Variants in UNC5D observed in about 807,000 individuals in gnomAD.
UNC5D encodes the protein unc-5 netrin receptor D.
In UNC5D, 39 loss-of-function variants were observed where a neutral mutation model predicts 105.4. That is an observed-to-expected ratio of 0.37 (90% CI 0.29 to 0.48). The LOEUF (loss-of-function observed/expected upper bound fraction) is 0.48. Ranked by LOEUF, UNC5D falls within the 20% of genes least tolerant of loss-of-function variation. The pLI is 0.98. For missense variants in UNC5D, 991 were observed against 1,202.4 expected, an observed-to-expected ratio of 0.82 and a Z score of 2.60; for synonymous variants, 452 against 450.4, an observed-to-expected ratio of 1.00 and a Z score of -0.04.
intron 1 of UNC5D, among the ~76,000 whole-genome samples, chr8:35,439,704 T>G (rs1807267594): frequency 6.6e-6 from 1 of 152,138 alleles, no homozygotes; most frequent in East Asian, 1.9e-4. Context: ...ATATGGAAAG[T>G]CCTTTTTCCA....
At chr8:35,640,388 A>G (rs1003232268) in intron 4 of UNC5D, among the ~76,000 whole-genome samples, 1 of 152,202 alleles carries the variant, frequency 6.6e-6, no homozygotes, top group Non-Finnish European at 1.5e-5. Flanking sequence ...ATGTACCCAT[A>G]ATAATGGAAC....
chr8:35,265,270 G>A (rs1240233788), intron 1 of UNC5D, among the ~76,000 whole-genome samples: 1 of 152,076 alleles, frequency 6.6e-6, no homozygotes, highest in African/African-American at 2.4e-5. Flanking sequence ...GATTAGCAAG[G>A]TGTGTTATGC....
intron 3 of UNC5D, among the ~76,000 whole-genome samples, chr8:35,577,776 G>A (rs913779786): frequency 6.6e-6 from 1 of 152,154 alleles, no homozygotes; most frequent in Admixed American, 6.6e-5. Context: ...GGGGTAACTA[G>A]ATAATAGCAT....
At chr8:35,307,707 C>T (rs1036009726) in intron 1 of UNC5D, among the ~76,000 whole-genome samples, 1 of 152,070 alleles carries the variant, frequency 6.6e-6, no homozygotes, top group African/African-American at 2.4e-5. Context: ...TAATTAACCT[C>T]GCATTTCCAC....
chr8:35,699,275 AAAAAG>A (rs1481344858), intron 7 of UNC5D, among the ~76,000 whole-genome samples: 1 of 152,150 alleles, frequency 6.6e-6, no homozygotes, highest in Admixed American at 6.6e-5. Flanking sequence ...GTTTGAAAGA[AAAAAG>A]AGGGAAGACT....
chr8:35,669,870 C>A (rs184745490), intron 4 of UNC5D, among the ~76,000 whole-genome samples: 7 of 152,144 alleles, frequency 4.6e-5, no homozygotes, highest in Admixed American at 3.3e-4. Flanking sequence ...CTTTGAGGTA[C>A]ACAAAAGTAG....
chr8:35,396,532 C>T (rs946930711), intron 1 of UNC5D, among the ~76,000 whole-genome samples: 3 of 151,748 alleles, frequency 2.0e-5, no homozygotes, highest in African/African-American at 4.8e-5. Context: ...AAACCTCCCT[C>T]GGTCTCCCAG....
intron 1 of UNC5D, among the ~76,000 whole-genome samples, chr8:35,323,182 CTTTTTCTTTTTTTTTTTTT>C (rs1809879359): frequency 8.6e-6 from 1 of 115,694 alleles, no homozygotes; most frequent in African/African-American, 3.0e-5. Flanking sequence ...TCTAATTTTT[CTTTTTCTTTTTTTTTTTTT>C]TTTTTTCACA....
intron 11 of UNC5D, 96 bp from the exon 12 acceptor site, chr8:35,748,431 G>A (rs1830106026): frequency 7.7e-7 from 1 of 1,290,876 alleles, no homozygotes; most frequent in African/African-American, 1.5e-5. Flanking sequence ...ATATTTATAA[G>A]CCTGAAGAAA....
At chr8:35,424,466 G>A (rs927293813) in intron 1 of UNC5D, among the ~76,000 whole-genome samples, 13 of 152,178 alleles carry the variant, frequency 8.5e-5, no homozygotes, top group African/African-American at 2.9e-4. Context: ...CATGTGGCTG[G>A]TGCCTACTGT....
chr8:35,261,898 A>C (rs1226816902), intron 1 of UNC5D, among the ~76,000 whole-genome samples: 1 of 152,146 alleles, frequency 6.6e-6, no homozygotes, highest in East Asian at 1.9e-4. Flanking sequence ...CCAGATATAT[A>C]TCTCTAGCAA....
At chr8:35,723,711 T>C (rs1247751307) in intron 9 of UNC5D, among the ~76,000 whole-genome samples, 2 of 152,312 alleles carry the variant, frequency 1.3e-5, no homozygotes, top group African/African-American at 4.8e-5. Context: ...GGTCAAGAAC[T>C]GATTTTTATG....
rs575511175 is a variant in UNC5D at position 35,488,048 on chromosome 8, T to C, written c.104-61244T>C. Among the ~76,000 whole-genome samples the C allele has an allele frequency of 6.6e-5, 10 of 152,294 alleles. No individual in the cohort carries two copies. In the South Asian group the frequency reaches 2.1e-3, roughly 32 times the overall value. ...TAAAATATGAAAGGAGAGAGATAAA[T>C]GAGGAATTGATAAGCAAAAATCAGA... On this transcript the variant is annotated intron_variant, in intron 1 of 16. Transcript: ENST00000404895.
At position 35,767,143 on chromosome 8, in the gene UNC5D, G is replaced by C. The variant is rs138790083; in HGVS notation, c.2478+77G>C. ...AATAATAAAGCTATACCTACCAGCC[G>C]TGCTATTCAGGTTCTGAAAGAGCTT... On this transcript the variant is annotated intron_variant, in intron 15 of 16. Transcript: ENST00000404895. 1,531 of 1,461,028 alleles carry C rather than the reference G, an allele frequency of 1.0e-3. 11 individuals are homozygous for C. Among genetic ancestry groups the C allele is most frequent in the South Asian group, 0.01 (725 of 69,488 alleles). The allele number at this position is 1,461,028 out of a possible 1,614,324, so 90.5% of individuals were successfully genotyped here.
rs191621229 is a variant in UNC5D, at chr8:35,257,356, G to C, written c.103+21469G>C. ...GGCACAGATTCTGTTTCCCCATTCGGTGCCTAAATAGCACAGAAATGATAG... is the reference window on the plus strand; with the variant it reads ...GGCACAGATTCTGTTTCCCCATTCGCTGCCTAAATAGCACAGAAATGATAG... On this transcript the variant is annotated intron_variant, in intron 1 of 16. Coordinates refer to ENST00000404895, the MANE Select transcript of UNC5D (RefSeq NM_080872.4). 5.3e-5 allele frequency among the ~76,000 whole-genome samples: 8 copies of C among 152,118 alleles called. No homozygotes were observed. The East Asian group carries it at 1.5e-3, about 29-fold the overall frequency.
At chr8:35,249,153 C>T (rs1332166748) in intron 1 of UNC5D, among the ~76,000 whole-genome samples, 2 of 135,226 alleles carry the variant, frequency 1.5e-5, no homozygotes, top group Admixed American at 8.4e-5. Flanking sequence ...ATAAAATCTA[C>T]ATAAAATATA....
chr8:35,442,096 CTGTT>C (rs1042378544), intron 1 of UNC5D, among the ~76,000 whole-genome samples: 1 of 151,806 alleles, frequency 6.6e-6, no homozygotes, highest in Non-Finnish European at 1.5e-5. Flanking sequence ...ATTTTTCTTC[CTGTT>C]TATTATAAAT....
At chr8:35,589,090 G>A (rs2589758) in intron 3 of UNC5D, among the ~76,000 whole-genome samples, 72,692 of 151,782 alleles carry the variant, frequency 0.48, 21,115 homozygotes, top group African/African-American at 0.83. Context: ...TAATGCAGGT[G>A]TACTTACTTT....
rs1463050708 is a variant in UNC5D at position 35,748,532 on chromosome 8, A to G, written c.1772A>G (p.Gln591Arg). 6.2e-7 allele frequency: 1 copy of G among 1,612,722 alleles called. No homozygotes were observed. Among genetic ancestry groups the G allele is most frequent in the Non-Finnish European group, 8.5e-7 (1 of 1,179,540 alleles). Residue 591 changes from glutamine (Q) to arginine (R), a missense_variant, in exon 12 of 17, where the codon CAG becomes CGG. By Grantham distance (43) the Gln-to-Arg change is conservative. This residue lies in a region of UNC5D where 944 missense variants were observed against 1,131.6 expected (regional missense o/e 0.83). Transcript: ENST00000404895. ...MSINQGEPSL[Q>R]SDGSEVLLSP... is the part of the protein sequence containing the mutation. ...TCCTTTTTTCAACTGTGAAGCCTCC[A>G]GTCAGATGGCTCTGAGGTGCTCCTG... is the stretch of plus-strand genomic sequence containing the variant.
Sources: gnomAD v4.1 joint callset for allele counts (sites outside exome capture counted in the v4.1 genomes callset) on GRCh38, gnomAD v4.1.1 for gene constraint, gnomAD v4.1.1 regional missense constraint, MANE v1.5 for transcripts, NCBI Gene and HGNC (gene_info 2026-07-23, HGNC 2026-07-21) for gene names.